The following CUBN variants were observed in gnomAD, a reference collection of about 807,000 sequenced individuals.
The protein encoded by CUBN is cubilin.
A neutral mutation model predicts 405.3 loss-of-function variants in CUBN; 282 were observed. That is an observed-to-expected ratio of 0.70 (90% CI 0.63 to 0.77). The LOEUF (loss-of-function observed/expected upper bound fraction) is 0.77. Among genes scored for constraint, CUBN ranks in the 30% least tolerant of loss-of-function variants. The pLI is 0.00. For missense variants in CUBN, 4,514 were observed against 4,475.2 expected (o/e 1.01, Z -0.25); for synonymous variants, 1,684 against 1,617.0 (o/e 1.04, Z -0.99).
intron 8 of CUBN, among the ~76,000 whole-genome samples, chr10:17,111,593 C>T (rs1276332720): frequency 2.0e-5 from 3 of 152,172 alleles, no homozygotes; most frequent in Non-Finnish European, 4.4e-5. Context: ...TTTGCATACA[C>T]ACACATTGAA....
At chr10:16,868,166 C>T (rs569720878) in intron 59 of CUBN, among the ~76,000 whole-genome samples, 1 of 152,270 alleles carries the variant, frequency 6.6e-6, no homozygotes, top group African/African-American at 2.4e-5. Flanking sequence ...GTGAGACTTG[C>T]TTTCAAGTTA....
chr10:16,888,498 T>A lies in CUBN; in HGVS notation c.8824A>T (p.Asn2942Tyr). ...ISPNYPKQYD[N>Y]NMNCTYVIEA... ...ATGACATAGGTGCAATTCATGTTGTTGTCATATTGTTTTGGGTAATTTGGA... is the reference window on the plus strand; with the variant it reads ...ATGACATAGGTGCAATTCATGTTGTAGTCATATTGTTTTGGGTAATTTGGA... Residue 2942 changes from asparagine to tyrosine, a missense_variant, in exon 56 of 67, where the codon AAC (asparagine) becomes TAC (tyrosine). By Grantham distance (143) the Asn-to-Tyr change is moderately radical. This residue lies in a region of CUBN where 1,186 missense variants were observed against 1,186.9 expected (regional missense o/e 1.00). Transcript: ENST00000377833. 1 of 1,613,530 alleles carries A rather than the reference T, an allele frequency of 6.2e-7. No homozygotes were observed. The highest frequency in any genetic ancestry group is 2.2e-5 in the East Asian group (1 of 44,820).
chr10:16,941,326 C>G (rs1842645381), intron 36 of CUBN, among the ~76,000 whole-genome samples: 1 of 152,128 alleles, frequency 6.6e-6, no homozygotes, highest in Non-Finnish European at 1.5e-5. Context: ...AAAAGAACCT[C>G]TACCTCTGCC....
At position 17,041,090 on chromosome 10, in the gene CUBN, G is replaced by A. The variant is rs772433450; in HGVS notation, c.3960C>T (p.Tyr1320=). The A allele has an allele frequency of 6.2e-7, 1 of 1,613,710 alleles. No homozygotes were observed. Among genetic ancestry groups the A allele is most frequent in the African/African-American group, 1.3e-5 (1 of 74,874 alleles). Residue 1320 remains tyrosine (Y), a synonymous_variant, in exon 27 of 67, where the codon TAC becomes TAT. Transcript: ENST00000377833. ...IRATTGNTVN[Y]TFLAFDLEHH... ...GTTCCAAGTCAAATGCTAAAAATGT[G>A]TAGTTCACAGTGTTGCCTGTTGTTG...
intron 62 of CUBN, among the ~76,000 whole-genome samples, chr10:16,837,054 C>T (rs1839192134): frequency 1.3e-5 from 2 of 151,976 alleles, no homozygotes; most frequent in South Asian, 4.2e-4. Flanking sequence ...TGAAACACCC[C>T]ACCCGTCTCT....
intron 28 of CUBN, among the ~76,000 whole-genome samples, chr10:17,006,565 T>C (rs531980562): frequency 6.6e-6 from 1 of 152,278 alleles, no homozygotes; most frequent in Non-Finnish European, 1.5e-5. Context: ...CAAAGGCTAA[T>C]GAAAGACCAC....
Position 16,824,716 on chromosome 10 carries a change from C to T in CUBN, c.*259G>A, listed in dbSNP as rs1455301178. ...TTATATTGTTAGAGAGATGAGGTTTCACCATGCTGGCCAGGCTAGTCTCAA... is the reference window on the plus strand; with the variant it reads ...TTATATTGTTAGAGAGATGAGGTTTTACCATGCTGGCCAGGCTAGTCTCAA... On this transcript the variant is annotated 3_prime_UTR_variant, in exon 67 of 67. Coordinates refer to ENST00000377833, the MANE Select transcript of CUBN (RefSeq NM_001081.4). The T allele has an allele frequency of 2.5e-6, 1 of 400,660 alleles. No homozygotes were observed. The highest frequency in any genetic ancestry group is 4.8e-6 in the Non-Finnish European group (1 of 208,862). The allele number at this position is 400,660 out of a possible 1,614,324, so 24.8% of individuals were successfully genotyped here.
intron 53 of CUBN, 100 bp downstream of exon 53, chr10:16,900,525 G>C (rs1449960445): frequency 1.1e-6 from 1 of 938,734 alleles, no homozygotes; most frequent in Non-Finnish European, 1.7e-6. Context: ...CAAATATTTA[G>C]AACTAAGCCT....
chr10:17,006,063 C>A (rs917368146), intron 28 of CUBN, among the ~76,000 whole-genome samples: 2 of 152,150 alleles, frequency 1.3e-5, no homozygotes, highest in Non-Finnish European at 2.9e-5. Context: ...ACCAACCCTG[C>A]CGACACCTTG....
intron 34 of CUBN, among the ~76,000 whole-genome samples, chr10:16,949,414 G>C (rs1437654422): frequency 1.3e-5 from 2 of 150,136 alleles, no homozygotes. Context: ...GGAAATTTAC[G>C]GAGAAAGCTT....
At chr10:17,045,355 T>TA in intron 24 of CUBN, among the ~76,000 whole-genome samples, 167 bp from the exon 25 acceptor site, 1 of 148,932 alleles carries the variant, frequency 6.7e-6, no homozygotes, top group East Asian at 1.9e-4. Flanking sequence ...TTTTTATTTT[T>TA]TTCTATTTTT....
At chr10:16,855,676 T>A (rs192445342) in intron 59 of CUBN, among the ~76,000 whole-genome samples, 1 of 152,332 alleles carries the variant, frequency 6.6e-6, no homozygotes, top group South Asian at 2.1e-4. Flanking sequence ...GTCATGGTAA[T>A]AGCAGACTAA....
chr10:16,874,459 G>A lies in CUBN; in HGVS notation c.9151C>T (p.Pro3051Ser). The change falls in exon 58 of 67, where the codon CCT (proline) becomes TCT (serine). Residue 3051 changes from proline to serine, a missense_variant. By Grantham distance (74) the Pro-to-Ser change is moderately conservative. Coordinates refer to ENST00000377833, the MANE Select transcript of CUBN (RefSeq NM_001081.4). ...GGGTAGTCTGCGTATGAATAGGCAG[G>A]ACTTGTGATGATTCCAGAAGAGAAA... ...FNFSSGIITS[P>S]AYSYADYPND... 1 of 1,613,980 alleles carries A rather than the reference G, an allele frequency of 6.2e-7. No individual in the cohort carries two copies.
intron 28 of CUBN, among the ~76,000 whole-genome samples, chr10:17,008,525 G>T (rs979034629): frequency 6.6e-6 from 1 of 150,924 alleles, no homozygotes; most frequent in Non-Finnish European, 1.5e-5. Context: ...GTTTCTCTTC[G>T]ACTCAGTTCC....
chr10:16,902,734 A>C (rs911916874), intron 51 of CUBN, among the ~76,000 whole-genome samples: 19 of 152,182 alleles, frequency 1.2e-4, no homozygotes, highest in Non-Finnish European at 1.8e-4. Context: ...CAAAATCTAG[A>C]AGCAGTAAGT....
intron 65 of CUBN, 91 bp from the exon 66 acceptor site, chr10:16,829,131 G>A (rs1588564203): frequency 1.1e-6 from 1 of 894,408 alleles, no homozygotes; most frequent in East Asian, 2.6e-5. Context: ...TTTTCTTAAG[G>A]TGCTGAGACT....
At chr10:17,001,021 T>G (rs914962561) in intron 28 of CUBN, among the ~76,000 whole-genome samples, 1 of 152,156 alleles carries the variant, frequency 6.6e-6, no homozygotes, top group African/African-American at 2.4e-5. Context: ...TGTCCGGAGT[T>G]TCTTCCTTCT....
intron 31 of CUBN, among the ~76,000 whole-genome samples, chr10:16,962,317 A>C (rs945256940): frequency 2.0e-5 from 3 of 152,176 alleles, no homozygotes; most frequent in African/African-American, 7.2e-5. Flanking sequence ...GTAAGAAATG[A>C]AGTAGGGAAT....
chr10:17,028,226 T>TTTA (rs57633202), intron 27 of CUBN, among the ~76,000 whole-genome samples: 10,909 of 144,090 alleles, frequency 0.076, 674 homozygotes, highest in African/African-American at 0.18. Flanking sequence ...ACACTAAACA[T>TTTA]TTATTATTAT....
Sources: gnomAD v4.1 joint callset for allele counts (sites outside exome capture counted in the v4.1 genomes callset) on GRCh38, gnomAD v4.1.1 for gene constraint, gnomAD v4.1.1 regional missense constraint, MANE v1.5 for transcripts, NCBI Gene and HGNC (gene_info 2026-07-23, HGNC 2026-07-21) for gene names.